The following C17orf75 variants were observed in gnomAD, a reference collection of about 807,000 sequenced individuals.
The protein encoded by C17orf75 is chromosome 17 open reading frame 75.
In C17orf75, 32 loss-of-function variants were observed where a neutral mutation model predicts 49.6. That is an observed-to-expected ratio of 0.65 (90% CI 0.49 to 0.87). The LOEUF is 0.87. C17orf75 is among the 40% of genes least tolerant of loss of function. C17orf75 has a pLI of 0.00. For missense variants in C17orf75, 428 were observed against 473.9 expected (o/e 0.90, Z 0.90); for synonymous variants, 158 against 159.5 (o/e 0.99, Z 0.07).
At chr17:32,348,867 C>T (rs1245132613) in intron 1 of C17orf75, among the ~76,000 whole-genome samples, 39 of 108,846 alleles carry the variant, frequency 3.6e-4, no homozygotes, top group African/African-American at 6.0e-4. Context: ...CAGCTCCAGT[C>T]TTTTTTTTTT....
At position 32,331,688 on chromosome 17, in the gene C17orf75, A is replaced by G; in HGVS notation, c.*75T>C. On this transcript the variant is annotated 3_prime_UTR_variant, in exon 10 of 10. Coordinates refer to ENST00000577809, the MANE Select transcript of C17orf75 (RefSeq NM_022344.4). Reference sequence around the variant, plus strand: ...ATCATCTTAAATAGCAATCCTATGAACAATTATAACTGCAATTTCAAACAC... The same window carrying G: ...ATCATCTTAAATAGCAATCCTATGAGCAATTATAACTGCAATTTCAAACAC... The G allele has an allele frequency of 8.5e-7, 1 of 1,182,402 alleles. No individual in the cohort carries two copies. Among genetic ancestry groups the G allele is most frequent in the Middle Eastern group, 2.4e-4 (1 of 4,088 alleles). 73.2% of individuals were successfully genotyped at this position (1,182,402 alleles called of 1,614,324 possible).
upstream of C17orf75, chr17:32,342,293 G>A (rs1167250435): frequency 7.9e-7 from 1 of 1,269,976 alleles, no homozygotes; most frequent in African/African-American, 1.6e-5. Flanking sequence ...CCTGGAAAGG[G>A]AGTCTCTTCT....
intron 9 of C17orf75, among the ~76,000 whole-genome samples, chr17:32,333,010 C>T (rs1461491939): frequency 1.3e-5 from 2 of 152,160 alleles, no homozygotes; most frequent in Non-Finnish European, 2.9e-5. Context: ...AGGGTTTTGC[C>T]ATGTTGGCCA....
At chr17:32,337,065 C>T (rs1330110375) in intron 5 of C17orf75, among the ~76,000 whole-genome samples, 3 of 151,902 alleles carry the variant, frequency 2.0e-5, no homozygotes, top group East Asian at 1.9e-4. Flanking sequence ...GTGGGAGGAT[C>T]GCTGGAGCCC....
chr17:32,339,242 A>C (rs1338550242), intron 3 of C17orf75, among the ~76,000 whole-genome samples: 4 of 93,692 alleles, frequency 4.3e-5, no homozygotes, highest in Non-Finnish European at 8.5e-5. Flanking sequence ...TCCTCATCTG[A>C]AAATGAAAAT....
chr17:32,338,786 C>G (rs1179552845), intron 3 of C17orf75, among the ~76,000 whole-genome samples: 1 of 152,062 alleles, frequency 6.6e-6, no homozygotes, highest in African/African-American at 2.4e-5. Flanking sequence ...CTGAGTTGAA[C>G]TAGAATAAAG....
chr17:32,342,108 C>T lies in C17orf75; in HGVS notation c.32G>A (p.Gly11Glu), dbSNP rs1487308598. MLPSLQESMDGDEKELESSEE... is the reference protein window; with the variant it reads MLPSLQESMDEDEKELESSEE... ...GCTGCTCTCTAGTTCCTTTTCATCT[C>T]CATCCATCGACTCCTGCAAAGAGGG... Residue 11 changes from glycine to glutamate, a missense_variant, in exon 1 of 10, where the codon GGA becomes GAA. By Grantham distance (98) the Gly-to-Glu change is moderately conservative. Coordinates refer to ENST00000577809, the MANE Select transcript of C17orf75 (RefSeq NM_022344.4). 3 of 1,601,794 alleles carry T rather than the reference C, an allele frequency of 1.9e-6. No homozygotes were observed. In the Admixed American group the frequency reaches 5.1e-5, roughly 27 times the overall value.
rs2041364358 is a variant in C17orf75 at position 32,340,075 on chromosome 17, G to A, written c.222-137C>T. On this transcript the variant is annotated intron_variant, in intron 2 of 9. Transcript: ENST00000577809. ...TGTCCTTATGACCCCTATTGGTGAG[G>A]CTTCTAGGAATGTATGTCACTAAGT... 4.1e-6 allele frequency: 4 copies of A among 976,748 alleles called. No homozygotes were observed. The South Asian group carries it at 6.9e-5, about 17-fold the overall frequency. 60.5% of individuals were successfully genotyped at this position (976,748 alleles called of 1,614,324 possible).
upstream of C17orf75, among the ~76,000 whole-genome samples, chr17:32,344,792 A>G (rs2041412377): frequency 6.6e-6 from 1 of 151,888 alleles, no homozygotes; most frequent in Admixed American, 6.6e-5. Context: ...CTGTAGTCAC[A>G]GCTACTCAGG....
At position 32,342,080 on chromosome 17, in the gene C17orf75, T is replaced by G; in HGVS notation, c.60A>C (p.Glu20Asp). ...TCCGCTCCTCGGCTGAGCCTCCCTC[T>G]TCGCTGCTCTCTAGTTCCTTTTCAT... ...DGDEKELESS[E>D]EGGSAEERRL... Residue 20 changes from glutamate (E) to aspartate (D), a missense_variant, in exon 1 of 10, where the codon GAA becomes GAC. By Grantham distance (45) the Glu-to-Asp change is conservative. Coordinates refer to ENST00000577809, the MANE Select transcript of C17orf75 (RefSeq NM_022344.4). 6.3e-7 allele frequency: 1 copy of G among 1,590,982 alleles called. No homozygotes were observed. The highest frequency in any genetic ancestry group is 8.5e-7 in the Non-Finnish European group (1 of 1,170,176).
intron 2 of C17orf75, chr17:32,340,961 GA>G (rs199826176): frequency 1.5e-4 from 76 of 503,638 alleles, no homozygotes; most frequent in East Asian, 2.1e-4. Context: ...AAAGGAAAAA[GA>G]AAAAAAAAGG....
upstream of C17orf75, among the ~76,000 whole-genome samples, chr17:32,344,300 G>A (rs563331939): frequency 2.0e-5 from 3 of 152,240 alleles, no homozygotes; most frequent in African/African-American, 7.2e-5. Flanking sequence ...TGCCCAGGTG[G>A]TACGTGTTAT....
chr17:32,348,141 C>T (rs1233091935), intron 1 of C17orf75, among the ~76,000 whole-genome samples: 2 of 151,970 alleles, frequency 1.3e-5, no homozygotes, highest in Non-Finnish European at 2.9e-5. Context: ...CCTCAGCCTC[C>T]GGAGTAGCTG....
upstream of C17orf75, chr17:32,344,131 A>G (rs1458217819): frequency 1.8e-6 from 1 of 543,196 alleles, no homozygotes; most frequent in Non-Finnish European, 3.3e-6. Context: ...TCATTTGCCC[A>G]GACTGAAAGC....
At position 32,342,057 on chromosome 17, in the gene C17orf75, C is replaced by T. The variant is rs1348819292; in HGVS notation, c.83G>A (p.Arg28Gln). ...GCTGCTGGACGGCGGCTCGAGTCTC[C>T]GCTCCTCGGCTGAGCCTCCCTCTTC... ...SSEEGGSAEE[R>Q]RLEPPSSSHY... Residue 28 changes from arginine (R) to glutamine (Q), a missense_variant, in exon 1 of 10, where the codon CGG becomes CAG. Transcript: ENST00000577809. 1.9e-6 allele frequency: 3 copies of T among 1,560,738 alleles called. No homozygotes were observed. Among genetic ancestry groups the T allele is most frequent in the Non-Finnish European group, 2.6e-6 (3 of 1,155,024 alleles).
chr17:32,342,405 TG>T, upstream of C17orf75: 1 of 370,966 alleles, frequency 2.7e-6, no homozygotes, highest in Non-Finnish European at 4.5e-6. Flanking sequence ...AAACTTTCTA[TG>T]TGATAAAGGT....
chr17:32,331,697 A>G lies in C17orf75; in HGVS notation c.*66T>C. ...AATAGCAATCCTATGAACAATTATA[A>G]CTGCAATTTCAAACACTAAGACTTA... On this transcript the variant is annotated 3_prime_UTR_variant, in exon 10 of 10. Coordinates refer to ENST00000577809, the MANE Select transcript of C17orf75 (RefSeq NM_022344.4). The G allele has an allele frequency of 7.9e-7, 1 of 1,272,166 alleles. No homozygotes were observed. Among genetic ancestry groups the G allele is most frequent in the Non-Finnish European group, 1.1e-6 (1 of 881,726 alleles). The allele number at this position is 1,272,166 out of a possible 1,614,324, so 78.8% of individuals were successfully genotyped here. A position where few individuals can be genotyped will look rare whatever the true frequency, so the allele number is the denominator to read the frequency against.
Position 32,333,398 on chromosome 17 carries a change from C to T in C17orf75, c.975+19G>A. On this transcript the variant is annotated intron_variant, in intron 9 of 9. Transcript: ENST00000577809. ...GACAAAAATTTCATGTGGCACTTGG[C>T]ACACAGCCAACTAATTACCTTTAGT... The T allele has an allele frequency of 6.4e-7, 1 of 1,569,228 alleles. No homozygotes were observed. The highest frequency in any genetic ancestry group is 8.7e-7 in the Non-Finnish European group (1 of 1,151,368).
Position 32,331,912 on chromosome 17 carries a change from A to C in C17orf75, c.1042T>G (p.Phe348Val). 5.6e-6 allele frequency: 9 copies of C among 1,613,564 alleles called. No homozygotes were observed. The highest frequency in any genetic ancestry group is 6.8e-6 in the Non-Finnish European group (8 of 1,179,616). The part of the protein sequence containing the change: ...RQAEMNHYAL[F>V]KCYMFLKNCG... ...TTCTTTAGGAACATGTAACATTTAA[A>C]CAAAGCATAATGATTCATTTCTGCC... Residue 348 changes from phenylalanine (F) to valine (V), a missense_variant, in exon 10 of 10, where the codon TTT (phenylalanine) becomes GTT (valine). Coordinates refer to ENST00000577809, the MANE Select transcript of C17orf75 (RefSeq NM_022344.4).
Sources: gnomAD v4.1 joint callset for allele counts (sites outside exome capture counted in the v4.1 genomes callset) on GRCh38, gnomAD v4.1.1 for gene constraint, MANE v1.5 for transcripts, NCBI Gene and HGNC (gene_info 2026-07-23, HGNC 2026-07-21) for gene names.